Variants in INO80 observed in about 807,000 individuals in gnomAD.
INO80 encodes INO80 complex ATPase subunit, also known as chromatin-remodeling ATPase INO80.
Under a neutral mutation model 203.4 loss-of-function variants are expected in INO80, and 20 were observed. The observed-to-expected ratio is 0.10, with a 90% confidence interval of 0.07 to 0.14. The LOEUF is 0.14. Ranked by LOEUF, INO80 falls within the 10% of genes least tolerant of loss-of-function variation. The pLI is 1.00. For missense variants in INO80, 1,419 were observed against 1,914.4 expected, an observed-to-expected ratio of 0.74 and a Z score of 4.83; for synonymous variants, 726 against 685.2, an observed-to-expected ratio of 1.06 and a Z score of -0.93.
At chr15:41,026,020 G>A (rs1459253882) in intron 25 of INO80, among the ~76,000 whole-genome samples, 1 of 152,142 alleles carries the variant, frequency 6.6e-6, no homozygotes, top group East Asian at 1.9e-4. Flanking sequence ...AATACTTTCT[G>A]GATAGCCAGT....
chr15:41,087,358 G>A (rs1435322039), intron 6 of INO80, among the ~76,000 whole-genome samples: 1 of 152,060 alleles, frequency 6.6e-6, no homozygotes, highest in Admixed American at 6.6e-5. Context: ...TCTGGATTTT[G>A]GTACCTGCCA....
chr15:41,057,093 A>G (rs764673729), intron 16 of INO80, among the ~76,000 whole-genome samples: 2 of 152,194 alleles, frequency 1.3e-5, no homozygotes, highest in Non-Finnish European at 2.9e-5. Flanking sequence ...ATGAGTTTGG[A>G]GAGAGCAGTT....
intron 1 of INO80, among the ~76,000 whole-genome samples, chr15:41,108,486 G>A (rs1237379716): frequency 6.6e-6 from 1 of 151,842 alleles, no homozygotes; most frequent in Non-Finnish European, 1.5e-5. Context: ...CAGCTACTTG[G>A]GAGGCTGAGG....
intron 1 of INO80, among the ~76,000 whole-genome samples, chr15:41,109,987 G>A (rs1213972831): frequency 6.7e-6 from 1 of 150,346 alleles, no homozygotes; most frequent in African/African-American, 2.4e-5. Context: ...CCCAGCTGCT[G>A]GGGAGGCTGA....
At chr15:41,031,998 G>GC (rs2044488070) in intron 24 of INO80, among the ~76,000 whole-genome samples, 1 of 53,860 alleles carries the variant, frequency 1.9e-5, no homozygotes, top group Non-Finnish European at 4.5e-5. Context: ...CACAGCACAG[G>GC]ACAGCACAGC....
Position 41,048,219 on chromosome 15 carries a change from G to A in INO80, c.2634C>T (p.His878=), listed in dbSNP as rs996147041. Residue 878 remains histidine, a synonymous_variant, in exon 22 of 36, where the codon CAC becomes CAT. Coordinates refer to ENST00000648947, the MANE Select transcript of INO80 (RefSeq NM_017553.3). ...AAAGATCAAAACACCTACCTTTTCT[G>A]TGAAAGAGAGACCGTTGGATATAGT... ...APDYIQRSLF[H]RKGINEESCF... is the part of the protein sequence containing the mutation. 65 of 1,612,046 alleles carry A rather than the reference G, an allele frequency of 4.0e-5. No homozygotes were observed. Among genetic ancestry groups the A allele is most frequent in the Non-Finnish European group, 5.3e-5 (63 of 1,178,544 alleles).
At chr15:41,004,555 C>T (rs534938122) in intron 28 of INO80, 26 of 152,256 alleles carry the variant, frequency 1.7e-4, no homozygotes, top group East Asian at 1.3e-3. Context: ...AAACTGAAGA[C>T]GAAGTTCAAC....
In INO80 at chr15:40,980,040, C is replaced by G. The variant is rs962768291; in HGVS notation, c.*183G>C. The G allele has an allele frequency of 3.3e-6, 2 of 610,308 alleles. No homozygotes were observed. Among genetic ancestry groups the G allele is most frequent in the Non-Finnish European group, 5.8e-6 (2 of 343,792 alleles). The allele number at this position is 610,308 out of a possible 1,614,324, so 37.8% of individuals were successfully genotyped here. A position where few individuals can be genotyped will look rare whatever the true frequency, so the allele number is the denominator to read the frequency against. On this transcript the variant is annotated 3_prime_UTR_variant, in exon 36 of 36. Transcript: ENST00000648947. ...CTTCCTCCTACAGGCACCCCAGATG[C>G]TCCTGATGAGACACAGATGATAAAA... is the stretch of plus-strand genomic sequence containing the variant.
At chr15:40,987,455 A>G (rs1157432287) in intron 30 of INO80, among the ~76,000 whole-genome samples, 1 of 152,198 alleles carries the variant, frequency 6.6e-6, no homozygotes, top group Non-Finnish European at 1.5e-5. Flanking sequence ...AAAAAACAAA[A>G]AATAACAAAT....
chr15:40,983,766 C>A lies in INO80; in HGVS notation c.4233G>T (p.Val1411=), dbSNP rs1893920749. The part of the protein sequence containing the change: ...ASITGSVSDT[V]NGISIQEMPA... ...GTACAAGACAGCAGCAATTACCATT[C>A]ACGGTATCTGAGACGGAGCCTGTTA... The change falls in exon 34 of 36, where the codon GTG becomes GTT. Residue 1411 remains valine, a synonymous_variant. Coordinates refer to ENST00000648947, the MANE Select transcript of INO80 (RefSeq NM_017553.3). The A allele has an allele frequency of 3.7e-6, 6 of 1,612,228 alleles. No homozygotes were observed. In the East Asian group the frequency reaches 1.1e-4, roughly 30 times the overall value.
intron 5 of INO80, among the ~76,000 whole-genome samples, chr15:41,091,724 G>C (rs556325958): frequency 6.9e-6 from 1 of 145,286 alleles, no homozygotes; most frequent in South Asian, 2.2e-4. Flanking sequence ...CTGTGATCTC[G>C]GCTCACTGCA....
chr15:41,034,479 CA>C (rs1026775469), intron 24 of INO80, among the ~76,000 whole-genome samples: 1 of 152,150 alleles, frequency 6.6e-6, no homozygotes, highest in Non-Finnish European at 1.5e-5. Context: ...GGAAGAAAAA[CA>C]AAGTCTTTAC....
chr15:40,993,789 G>GA (rs1454218016), intron 29 of INO80, among the ~76,000 whole-genome samples: 1 of 151,348 alleles, frequency 6.6e-6, no homozygotes, highest in African/African-American at 2.4e-5. Flanking sequence ...AAAAGAAAAA[G>GA]AAAATACAGC....
intron 24 of INO80, among the ~76,000 whole-genome samples, chr15:41,028,601 A>G (rs2044412166): frequency 6.6e-6 from 1 of 152,206 alleles, no homozygotes; most frequent in Admixed American, 6.5e-5. Context: ...GCCGTATCAA[A>G]AATGTATTTT....
intron 14 of INO80, among the ~76,000 whole-genome samples, chr15:41,064,855 G>A (rs943910171): frequency 1.3e-5 from 2 of 151,980 alleles, no homozygotes; most frequent in Non-Finnish European, 2.9e-5. Context: ...AAATTCACTG[G>A]GCATGGTGGC....
chr15:40,986,794 T>C (rs1018241243), intron 31 of INO80, among the ~76,000 whole-genome samples: 1 of 152,008 alleles, frequency 6.6e-6, no homozygotes, highest in Non-Finnish European at 1.5e-5. Context: ...CCCAACTAAT[T>C]TTTTGTATTT....
intron 23 of INO80, among the ~76,000 whole-genome samples, chr15:41,045,639 TC>T (rs1191101990): frequency 6.7e-6 from 1 of 150,030 alleles, no homozygotes; most frequent in African/African-American, 2.5e-5. Context: ...ACACCTTTAA[TC>T]CCAGCACTTT....
intron 24 of INO80, among the ~76,000 whole-genome samples, chr15:41,033,337 ATTTTTTT>A (rs552646852): frequency 7.2e-6 from 1 of 138,982 alleles, no homozygotes; most frequent in Non-Finnish European, 1.6e-5. Context: ...CTGAATCAGA[ATTTTTTT>A]TTTTTTTTTT....
Position 40,985,378 on chromosome 15 carries a change from A to T in INO80, c.3881T>A (p.Val1294Glu), listed in dbSNP as rs747672111. ...TTCCCGCTTCCGCTTGCGCTCTTTCACTCGGTTGGTTTCCTCCTGTTGCCG... is the reference window on the plus strand; with the variant it reads ...TTCCCGCTTCCGCTTGCGCTCTTTCTCTCGGTTGGTTTCCTCCTGTTGCCG... The part of the protein sequence containing the change: ...EKRQQEETNR[V>E]KERKRKREKY... The change falls in exon 32 of 36, where the codon GTG becomes GAG. Residue 1294 changes from valine to glutamate, a missense_variant. By Grantham distance (121) the Val-to-Glu change is moderately radical (BLOSUM62 -2). Around this residue, in one of 9 missense-constraint regions of INO80, gnomAD observed 214 missense variants for 248.9 expected, o/e 0.86. Coordinates refer to ENST00000648947, the MANE Select transcript of INO80 (RefSeq NM_017553.3). The T allele has an allele frequency of 2.5e-6, 4 of 1,613,064 alleles. No homozygotes were observed. Among genetic ancestry groups the T allele is most frequent in the Non-Finnish European group, 3.4e-6 (4 of 1,179,844 alleles).
Sources: gnomAD v4.1 joint callset for allele counts (sites outside exome capture counted in the v4.1 genomes callset) on GRCh38, gnomAD v4.1.1 for gene constraint, gnomAD v4.1.1 regional missense constraint, MANE v1.5 for transcripts, NCBI Gene and HGNC (gene_info 2026-07-23, HGNC 2026-07-21) for gene names.